SIL1: variants seen among roughly 807,000 people sequenced by gnomAD.
The protein encoded by SIL1 is nucleotide exchange factor SIL1.
A neutral mutation model predicts 49.1 loss-of-function variants in SIL1; 40 were observed. The ratio of observed to expected loss-of-function variants is 0.81; its 90% CI spans 0.63 to 1.06. SIL1 has a LOEUF of 1.06. SIL1 is among the 50% of genes least tolerant of loss of function. The pLI, the probability that SIL1 is intolerant of heterozygous loss-of-function variation, is 0.00. For missense variants in SIL1, 500 were observed against 572.6 expected (o/e 0.87, Z 1.29); for synonymous variants, 253 against 250.8 (o/e 1.01, Z -0.08).
intron 6 of SIL1, among the ~76,000 whole-genome samples, chr5:139,025,142 C>G (rs1768616251): frequency 1.3e-5 from 2 of 152,154 alleles, no homozygotes; most frequent in South Asian, 4.1e-4. Flanking sequence ...ATCTCAAGTG[C>G]CTGGAACAGT....
At chr5:138,973,636 T>A (rs1026170357) in intron 7 of SIL1, among the ~76,000 whole-genome samples, 1 of 152,192 alleles carries the variant, frequency 6.6e-6, no homozygotes, top group South Asian at 2.1e-4. Context: ...AATTTTTTTT[T>A]AATATAGAGC....
At chr5:139,049,498 T>TA (rs1412983963) in intron 4 of SIL1, among the ~76,000 whole-genome samples, 2 of 151,856 alleles carry the variant, frequency 1.3e-5, no homozygotes, top group African/African-American at 4.8e-5. Context: ...GTTTAAATTA[T>TA]AAAATCCAGG....
At chr5:139,158,868 CT>C (rs1355202094) in intron 1 of SIL1, among the ~76,000 whole-genome samples, 2 of 152,138 alleles carry the variant, frequency 1.3e-5, no homozygotes, top group African/African-American at 4.8e-5. Flanking sequence ...ATTGCTTTAG[CT>C]CTCTTCAAAT....
intron 1 of SIL1, among the ~76,000 whole-genome samples, chr5:139,195,457 C>G (rs377740026): frequency 2.0e-5 from 3 of 152,016 alleles, no homozygotes; most frequent in Non-Finnish European, 4.4e-5. Flanking sequence ...GCGTGATCTC[C>G]GCTCACTGCA....
intron 3 of SIL1, among the ~76,000 whole-genome samples, chr5:139,100,163 A>G (rs1770555755): frequency 2.0e-5 from 3 of 152,330 alleles, no homozygotes; most frequent in Middle Eastern, 6.8e-3. Context: ...CATTTATTTT[A>G]TAATTTGAGT....
At chr5:139,113,944 TC>T (rs1398474742) in intron 3 of SIL1, among the ~76,000 whole-genome samples, 1 of 152,164 alleles carries the variant, frequency 6.6e-6, no homozygotes, top group Non-Finnish European at 1.5e-5. Context: ...TGCTCAGCAC[TC>T]CTGATTAAAC....
At chr5:139,066,905 T>C (rs1414641955) in intron 3 of SIL1, among the ~76,000 whole-genome samples, 1 of 152,178 alleles carries the variant, frequency 6.6e-6, no homozygotes, top group Non-Finnish European at 1.5e-5. Flanking sequence ...GGTTTCGCCA[T>C]GTTGCCTCTC....
intron 7 of SIL1, among the ~76,000 whole-genome samples, chr5:138,958,651 T>G (rs1766950867): frequency 6.6e-6 from 1 of 152,086 alleles, no homozygotes; most frequent in South Asian, 2.1e-4. Flanking sequence ...AAATGTTCAT[T>G]GGAGCACTTT....
chr5:139,097,485 CTTT>C (rs58976541), intron 3 of SIL1, among the ~76,000 whole-genome samples: 1 of 143,236 alleles, frequency 7.0e-6, no homozygotes, highest in Non-Finnish European at 1.5e-5. Flanking sequence ...TAGCATTTCT[CTTT>C]TTTTTTTTTT....
chr5:139,192,719 G>T (rs913286635), intron 1 of SIL1, among the ~76,000 whole-genome samples: 4 of 152,034 alleles, frequency 2.6e-5, no homozygotes, highest in African/African-American at 7.2e-5. Context: ...AAACTTGGCT[G>T]GGTGTGGTGG....
At chr5:139,182,552 G>A (rs1241467515) in intron 1 of SIL1, among the ~76,000 whole-genome samples, 1 of 152,166 alleles carries the variant, frequency 6.6e-6, no homozygotes, top group African/African-American at 2.4e-5. Context: ...GCCGTGGACG[G>A]CAAAGAATAT....
At chr5:139,126,094 C>T (rs1009553045) in intron 2 of SIL1, among the ~76,000 whole-genome samples, 1 of 152,206 alleles carries the variant, frequency 6.6e-6, no homozygotes, top group Non-Finnish European at 1.5e-5. Context: ...AGGTGGCTGG[C>T]TGCATAATTT....
chr5:139,084,084 C>T (rs1345454416), intron 3 of SIL1, among the ~76,000 whole-genome samples: 6 of 149,046 alleles, frequency 4.0e-5, no homozygotes, highest in Non-Finnish European at 3.0e-5. Flanking sequence ...GTTACTGTAG[C>T]CTTGTAGTAT....
chr5:139,032,189 T>A (rs1768808971), intron 5 of SIL1, among the ~76,000 whole-genome samples: 1 of 152,224 alleles, frequency 6.6e-6, no homozygotes, highest in South Asian at 2.1e-4. Context: ...CTTTCACTGT[T>A]AAGTATAATA....
chr5:139,007,385 A>C (rs1227767427), intron 7 of SIL1, among the ~76,000 whole-genome samples: 1 of 134,610 alleles, frequency 7.4e-6, no homozygotes, highest in African/African-American at 3.1e-5. Flanking sequence ...TTTTCTAGAT[A>C]TACAATCATG....
chr5:139,099,479 T>C (rs756744739), intron 3 of SIL1, among the ~76,000 whole-genome samples: 1 of 152,180 alleles, frequency 6.6e-6, no homozygotes, highest in African/African-American at 2.4e-5. Flanking sequence ...CTGTACTCCA[T>C]GTTTGTAGCA....
intron 1 of SIL1, among the ~76,000 whole-genome samples, chr5:139,166,891 C>A (rs944067232): frequency 4.6e-5 from 7 of 152,200 alleles, no homozygotes; most frequent in Non-Finnish European, 5.9e-5. Context: ...TCACTGCAAG[C>A]TCTGCCTCCC....
chr5:139,192,074 CAAA>C (rs10700186), intron 1 of SIL1, among the ~76,000 whole-genome samples: 1 of 67,212 alleles, frequency 1.5e-5, no homozygotes. Flanking sequence ...GATGCTGTCT[CAAA>C]AAAAAAAAAA....
At chr5:139,061,376 G>C (rs1307993205) in intron 3 of SIL1, among the ~76,000 whole-genome samples, 3 of 152,246 alleles carry the variant, frequency 2.0e-5, no homozygotes, top group African/African-American at 7.2e-5. Flanking sequence ...GAAAAGGACA[G>C]GATGTCCTCC....
Sources: allele counts gnomAD v4.1 joint callset (sites outside exome capture counted in the v4.1 genomes callset), GRCh38; gene constraint gnomAD v4.1.1; transcripts MANE v1.5; gene names NCBI Gene and HGNC (gene_info 2026-07-23, HGNC 2026-07-21).